The following RBFOX3 variants were observed in gnomAD, a reference collection of about 807,000 sequenced individuals.
RBFOX3 encodes RNA binding fox-1 homolog 3.
A neutral mutation model predicts 48.7 loss-of-function variants in RBFOX3; 17 were observed. The ratio of observed to expected loss-of-function variants is 0.35; its 90% CI spans 0.24 to 0.52. The LOEUF is 0.52. Among genes scored for constraint, RBFOX3 ranks in the 20% least tolerant of loss-of-function variants. RBFOX3 has a pLI of 0.94. For synonymous variants in RBFOX3, 212 were observed against 209.5 expected, an observed-to-expected ratio of 1.01 and a Z score of -0.10; for missense variants, 382 against 497.5, an observed-to-expected ratio of 0.77 and a Z score of 2.21.
intron 12 of RBFOX3, among the ~76,000 whole-genome samples, chr17:79,096,191 C>A (rs1317828831): frequency 1.3e-5 from 2 of 152,200 alleles, no homozygotes; most frequent in African/African-American, 4.8e-5. Flanking sequence ...GGAAGCAGCA[C>A]ATGTGGCCCC....
intron 4 of RBFOX3, among the ~76,000 whole-genome samples, chr17:79,139,032 A>C (rs1230897015): frequency 6.4e-5 from 8 of 125,762 alleles, no homozygotes; most frequent in South Asian, 5.6e-4. Flanking sequence ...CCTCACCCAC[A>C]CACGCACGCA....
intron 1 of RBFOX3, among the ~76,000 whole-genome samples, chr17:79,547,324 G>A (rs544666808): frequency 7.2e-5 from 11 of 152,108 alleles, no homozygotes; most frequent in African/African-American, 1.9e-4. Flanking sequence ...GCATGGTGGC[G>A]CACGCCTGTA....
the RBFOX3 span, among the ~76,000 whole-genome samples, chr17:79,659,440 C>T: frequency 1.3e-5 from 2 of 152,202 alleles, no homozygotes; most frequent in East Asian, 3.9e-4. Context: ...CAAAGAACAG[C>T]AGGTGCAAAA....
chr17:79,283,034 A>G (rs1369862647), intron 3 of RBFOX3, among the ~76,000 whole-genome samples: 1 of 151,542 alleles, frequency 6.6e-6, no homozygotes, highest in Non-Finnish European at 1.5e-5. Flanking sequence ...ACACAATCTG[A>G]GTGATTTTGT....
chr17:79,563,125 C>T (rs906554289), intron 1 of RBFOX3, among the ~76,000 whole-genome samples: 120 of 152,086 alleles, frequency 7.9e-4, no homozygotes, highest in African/African-American at 2.8e-3. Flanking sequence ...TGAAATGAAG[C>T]GGATCTCAGA....
chr17:79,612,761 T>C (rs1001955181), upstream of RBFOX3, among the ~76,000 whole-genome samples: 11 of 152,320 alleles, frequency 7.2e-5, no homozygotes, highest in African/African-American at 2.6e-4. Flanking sequence ...TTGGGCCTCT[T>C]GGTTCTCTGC....
At chr17:79,239,913 C>T (rs888224638) in intron 3 of RBFOX3, among the ~76,000 whole-genome samples, 2 of 152,260 alleles carry the variant, frequency 1.3e-5, no homozygotes, top group Admixed American at 6.5e-5. Context: ...ATCCCAGCCA[C>T]GGATGTGCAT....
At chr17:79,344,469 C>T (rs1460988928) in intron 2 of RBFOX3, among the ~76,000 whole-genome samples, 5 of 152,174 alleles carry the variant, frequency 3.3e-5, no homozygotes, top group African/African-American at 1.2e-4. Flanking sequence ...CCCTCTCCCT[C>T]TATCCCCTTC....
intron 3 of RBFOX3, among the ~76,000 whole-genome samples, chr17:79,237,986 G>C (rs539872504): frequency 2.5e-4 from 38 of 152,324 alleles, no homozygotes; most frequent in African/African-American, 9.1e-4. Flanking sequence ...GCCCAGGCTG[G>C]AGTGCAATGG....
chr17:79,205,508 C>A lies in RBFOX3; in HGVS notation c.-34+30258G>T, dbSNP rs192389518. On this transcript the variant is annotated intron_variant, in intron 4 of 14. Transcript: ENST00000693108. The surrounding 1 kb of genome is among the most constrained non-coding windows in gnomAD (Gnocchi z 4.5). ...GAGCCTATAAAACCTCCCTAACCCC[C>A]AGCTAAGACAGGAAATCAGAAAAAA... 5.1e-3 allele frequency among the ~76,000 whole-genome samples: 779 copies of A among 152,248 alleles called. 3 individuals are homozygous for A. The highest frequency in any genetic ancestry group is 7.0e-3 in the Non-Finnish European group (476 of 68,020).
intron 4 of RBFOX3, among the ~76,000 whole-genome samples, chr17:79,141,800 G>GCC (rs1173490972): frequency 1.3e-5 from 2 of 152,082 alleles, no homozygotes; most frequent in Non-Finnish European, 2.9e-5. Flanking sequence ...ACGACACAGT[G>GCC]CCCCCCGGTC....
At chr17:79,273,820 C>A (rs1260281982) in intron 3 of RBFOX3, among the ~76,000 whole-genome samples, 1 of 152,210 alleles carries the variant, frequency 6.6e-6, no homozygotes, top group Non-Finnish European at 1.5e-5. Flanking sequence ...CCCGTGCCCT[C>A]CTGCCACAGT....
intron 1 of RBFOX3, among the ~76,000 whole-genome samples, chr17:79,587,477 G>T (rs2093287358): frequency 6.6e-6 from 1 of 152,222 alleles, no homozygotes; most frequent in South Asian, 2.1e-4. Flanking sequence ...TCCTAACTTG[G>T]ACTTATCTGT....
intron 2 of RBFOX3, among the ~76,000 whole-genome samples, chr17:79,439,691 C>T (rs1437410549): frequency 6.6e-6 from 1 of 152,238 alleles, no homozygotes; most frequent in African/African-American, 2.4e-5. Flanking sequence ...TGCACACGTG[C>T]CTCTGCACAT....
intron 14 of RBFOX3, chr17:79,092,329 C>T (rs184805053): frequency 3.0e-6 from 3 of 985,512 alleles, no homozygotes; most frequent in African/African-American, 1.7e-5. Flanking sequence ...GGTAGTACAA[C>T]ATCAACAAAG....
At chr17:79,596,938 G>A (rs905602612) in intron 1 of RBFOX3, among the ~76,000 whole-genome samples, 1 of 152,200 alleles carries the variant, frequency 6.6e-6, no homozygotes, top group African/African-American at 2.4e-5. Flanking sequence ...TATGTTCCGT[G>A]TTGATAGAAG....
At position 79,405,370 on chromosome 17, in the gene RBFOX3, C is replaced by T. The variant is rs1034692653; in HGVS notation, c.-175+77084G>A. 9.9e-5 allele frequency among the ~76,000 whole-genome samples: 15 copies of T among 151,394 alleles called. 1 individual carries two copies. The highest frequency in any genetic ancestry group is 2.1e-4 in the Non-Finnish European group (14 of 67,958). ...GTGTGCACTTCCCCCGATACTTCAGCGAGTTTATCATCAACTAGGGTTTGA... is the reference window on the plus strand; with the variant it reads ...GTGTGCACTTCCCCCGATACTTCAGTGAGTTTATCATCAACTAGGGTTTGA... On this transcript the variant is annotated intron_variant, in intron 2 of 14. Coordinates refer to ENST00000693108, the MANE Select transcript of RBFOX3 (RefSeq NM_001350451.2).
intron 4 of RBFOX3, among the ~76,000 whole-genome samples, chr17:79,218,571 C>T (rs553687127): frequency 5.3e-5 from 8 of 152,238 alleles, no homozygotes; most frequent in South Asian, 2.1e-4. Flanking sequence ...CAGAGGAGCC[C>T]GGCAATCAGA....
At chr17:79,649,977 G>A in the RBFOX3 span, among the ~76,000 whole-genome samples, 1 of 152,140 alleles carries the variant, frequency 6.6e-6, no homozygotes, top group Non-Finnish European at 1.5e-5. Flanking sequence ...AAGGGTGGGT[G>A]CTAACCCATT....
Sources: gnomAD v4.1 joint callset for allele counts (sites outside exome capture counted in the v4.1 genomes callset) on GRCh38, gnomAD v4.1.1 for gene constraint, Gnocchi (gnomAD v3.1) non-coding constraint, MANE v1.5 for transcripts, NCBI Gene and HGNC (gene_info 2026-07-23, HGNC 2026-07-21) for gene names.